ZC2HC1B: variants seen among roughly 807,000 people sequenced by gnomAD.
The protein encoded by ZC2HC1B is zinc finger C2HC-type containing 1B.
Under a neutral mutation model 31.0 loss-of-function variants are expected in ZC2HC1B, and 36 were observed. That is an observed-to-expected ratio of 1.16 (90% CI 0.89 to 1.54). The LOEUF is 1.54. ZC2HC1B is among the 40% of genes most tolerant of loss of function. The pLI is 0.00. For synonymous variants in ZC2HC1B, 73 were observed against 88.0 expected, an observed-to-expected ratio of 0.83 and a Z score of 0.95; for missense variants, 260 against 268.6, an observed-to-expected ratio of 0.97 and a Z score of 0.22.
Position 143,917,630 on chromosome 6 carries a change from A to G in ZC2HC1B, c.598+14478A>G, listed in dbSNP as rs1777934313. Among the ~76,000 whole-genome samples, 1 of 152,234 alleles carries G rather than the reference A, an allele frequency of 6.6e-6. No individual in the cohort carries two copies. The highest frequency in any genetic ancestry group is 6.5e-5 in the Admixed American group (1 of 15,284). ...CTCCTAATCTAAAAATCTGAAATCT[A>G]AAATGCTCCAACATCTGAAACTTTT... On this transcript the variant is annotated intron_variant, in intron 6 of 7. Coordinates refer to ENST00000237275, the MANE Select transcript of ZC2HC1B (RefSeq NM_001013623.3). This position sits in a 1 kb window ranked among gnomAD's most constrained non-coding sequence, Gnocchi z 4.1.
In ZC2HC1B at chr6:143,885,314, A is replaced by C. The variant is rs927509469; in HGVS notation, c.91-718A>C. ...GCCCTGTAGTCCACCAGTGTGTGTC[A>C]CTGCCTTTGCCAGACTGGAGCCACA... On this transcript the variant is annotated intron_variant, in intron 2 of 7. Transcript: ENST00000237275. This position sits in a 1 kb window ranked among gnomAD's most constrained non-coding sequence, Gnocchi z 4.2. 6.6e-6 allele frequency among the ~76,000 whole-genome samples: 1 copy of C among 152,198 alleles called. No homozygotes were observed. The highest frequency in any genetic ancestry group is 2.4e-5 in the African/African-American group (1 of 41,446).
At position 143,886,049 on chromosome 6, in the gene ZC2HC1B, A is replaced by T; in HGVS notation, c.108A>T (p.Ile36=). Residue 36 remains isoleucine (I), a synonymous_variant, in exon 3 of 8, where the codon ATA becomes ATT. Transcript: ENST00000237275. This position sits in a 1 kb window ranked among gnomAD's most constrained non-coding sequence, Gnocchi z 4.2. ...AADVLERHGP[I]CKKLFNRKRK... is the part of the protein sequence containing the mutation. ...TTTTCTAGGAAAGGCATGGACCAAT[A>T]TGTAAGAAACTCTTCAACAGAAAGC... The T allele has an allele frequency of 6.5e-7, 1 of 1,538,242 alleles. No homozygotes were observed. The highest frequency in any genetic ancestry group is 8.7e-7 in the Non-Finnish European group (1 of 1,143,196).
Position 143,903,587 on chromosome 6 carries a change from A to T in ZC2HC1B, c.598+435A>T, listed in dbSNP as rs2128495294. ...ATTATAAGTCAAAAATGCATTTAAC[A>T]TCCCAATTAACCCATGTAAAGTTGA... On this transcript the variant is annotated intron_variant, in intron 6 of 7. Transcript: ENST00000237275. The surrounding 1 kb of genome is among the most constrained non-coding windows in gnomAD (Gnocchi z 4.3). 6.6e-6 allele frequency among the ~76,000 whole-genome samples: 1 copy of T among 152,362 alleles called. No individual in the cohort carries two copies. The highest frequency in any genetic ancestry group is 2.4e-5 in the African/African-American group (1 of 41,592).
rs772610956 is a variant in ZC2HC1B at position 143,922,758 on chromosome 6, T to C, written c.599-14891T>C. Among the ~76,000 whole-genome samples the C allele has an allele frequency of 1.3e-5, 2 of 152,198 alleles. No individual in the cohort carries two copies. The highest frequency in any genetic ancestry group is 2.1e-4 in the South Asian group (1 of 4,824). ...CATGTTTTATTCATTCATCCATTAA[T>C]GAACATTTAGATTGATTTCATATGT... On this transcript the variant is annotated intron_variant, in intron 6 of 7. Transcript: ENST00000237275. This position sits in a 1 kb window ranked among gnomAD's most constrained non-coding sequence, Gnocchi z 5.0.
intron 6 of ZC2HC1B, among the ~76,000 whole-genome samples, chr6:143,907,517 T>G (rs145668918): frequency 0.015 from 2,290 of 152,348 alleles, 70 homozygotes; most frequent in African/African-American, 0.051. Flanking sequence ...TGATTTGCAT[T>G]TCTCTAATGT....
chr6:143,916,763 C>G (rs1205121726), intron 6 of ZC2HC1B, among the ~76,000 whole-genome samples: 1 of 152,220 alleles, frequency 6.6e-6, no homozygotes, highest in Non-Finnish European at 1.5e-5. Flanking sequence ...TGGCCAATGT[C>G]TCCCATTTGG....
At chr6:143,900,579 C>T (rs1777725838) in intron 5 of ZC2HC1B, among the ~76,000 whole-genome samples, 1 of 151,842 alleles carries the variant, frequency 6.6e-6, no homozygotes, top group African/African-American at 2.4e-5. Flanking sequence ...TTAACAGGTC[C>T]TTGATTAACA....
In ZC2HC1B at chr6:143,913,784, G is replaced by A. The variant is rs934669865; in HGVS notation, c.598+10632G>A. 6.6e-6 allele frequency among the ~76,000 whole-genome samples: 1 copy of A among 152,188 alleles called. No homozygotes were observed. The highest frequency in any genetic ancestry group is 1.5e-5 in the Non-Finnish European group (1 of 68,032). The stretch of plus-strand genomic sequence containing the variant: ...TCACTAATTGCTTCCCTTGGCTGGG[G>A]GTGGGTGTTTCCTTGGCTCCATGTC... On this transcript the variant is annotated intron_variant, in intron 6 of 7. Transcript: ENST00000237275. The surrounding 1 kb of genome is among the most constrained non-coding windows in gnomAD (Gnocchi z 5.7).
At chr6:143,866,309 C>T (rs984264958) in intron 1 of ZC2HC1B, among the ~76,000 whole-genome samples, 9 of 152,256 alleles carry the variant, frequency 5.9e-5, no homozygotes, top group Admixed American at 5.9e-4. Flanking sequence ...CTACCTTAAA[C>T]TTGCTCAGAA....
intron 4 of ZC2HC1B, among the ~76,000 whole-genome samples, chr6:143,891,693 CAAAA>C (rs61241733): frequency 1.5e-5 from 1 of 66,902 alleles, no homozygotes. Flanking sequence ...AACTCTGTCT[CAAAA>C]AAAAAAAAAA....
rs753518763 is a variant in ZC2HC1B, at chr6:143,889,439, A to T, written c.349+2618A>T. Among the ~76,000 whole-genome samples, 6 of 152,114 alleles carry T rather than the reference A, an allele frequency of 3.9e-5. No individual in the cohort carries two copies. The South Asian group carries it at 1.2e-3, about 31-fold the overall frequency. ...AATAATAAAGCAAGACCCAACTATA[A>T]GTATTCCATAAGAAAAACACATTGA... On this transcript the variant is annotated intron_variant, in intron 4 of 7. Coordinates refer to ENST00000237275, the MANE Select transcript of ZC2HC1B (RefSeq NM_001013623.3).
chr6:143,872,462 C>G lies in ZC2HC1B; in HGVS notation c.28+7895C>G, dbSNP rs536873699. Among the ~76,000 whole-genome samples, 13 of 152,356 alleles carry G rather than the reference C, an allele frequency of 8.5e-5. No homozygotes were observed. Among genetic ancestry groups the G allele is most frequent in the African/African-American group, 2.9e-4 (12 of 41,578 alleles). On this transcript the variant is annotated intron_variant, in intron 1 of 7. Coordinates refer to ENST00000237275, the MANE Select transcript of ZC2HC1B (RefSeq NM_001013623.3). This position sits in a 1 kb window ranked among gnomAD's most constrained non-coding sequence, Gnocchi z 5.5. The stretch of plus-strand genomic sequence containing the variant: ...AGTCCATTACAGTAGCTACATCCAC[C>G]TTGCCTTTGATGGCTGAGTGCTGCC...
Position 143,918,940 on chromosome 6 carries a change from T to G in ZC2HC1B, c.598+15788T>G, listed in dbSNP as rs1245306526. On this transcript the variant is annotated intron_variant, in intron 6 of 7. Coordinates refer to ENST00000237275, the MANE Select transcript of ZC2HC1B (RefSeq NM_001013623.3). The surrounding 1 kb of genome is among the most constrained non-coding windows in gnomAD (Gnocchi z 4.1). Reference sequence around the variant, plus strand: ...TATCTTCGTGGATATTTCCATTTTGTTCATAGATCTTTTTCTTGAGTCTCT... The same window carrying G: ...TATCTTCGTGGATATTTCCATTTTGGTCATAGATCTTTTTCTTGAGTCTCT... Among the ~76,000 whole-genome samples the G allele has an allele frequency of 6.6e-6, 1 of 152,164 alleles. No homozygotes were observed. Among genetic ancestry groups the G allele is most frequent in the Non-Finnish European group, 1.5e-5 (1 of 68,036 alleles).
At position 143,922,214 on chromosome 6, in the gene ZC2HC1B, GT is replaced by G. The variant is rs1777991813; in HGVS notation, c.599-15432del. ...TTGTTGATATATAATATTTGTACAT[GT>G]TTATGGAATACATGTGGTATTTTGA... is the stretch of plus-strand genomic sequence containing the variant. On this transcript the variant is annotated intron_variant, in intron 6 of 7. Coordinates refer to ENST00000237275, the MANE Select transcript of ZC2HC1B (RefSeq NM_001013623.3). This position sits in a 1 kb window ranked among gnomAD's most constrained non-coding sequence, Gnocchi z 5.0. Among the ~76,000 whole-genome samples the G allele has an allele frequency of 6.6e-6, 1 of 152,156 alleles. No homozygotes were observed. Among genetic ancestry groups the G allele is most frequent in the Non-Finnish European group, 1.5e-5 (1 of 68,020 alleles).
chr6:143,879,824 A>ATTTTT (rs557859315), intron 1 of ZC2HC1B, among the ~76,000 whole-genome samples: 1,203 of 53,692 alleles, frequency 0.022, 100 homozygotes, highest in South Asian at 0.031. Context: ...GTTGTCCCTG[A>ATTTTT]TTTTTTTTTT....
Position 143,871,072 on chromosome 6 carries a change from A to G in ZC2HC1B, c.28+6505A>G, listed in dbSNP as rs562932195. Reference sequence around the variant, plus strand: ...TAGGAGGGGCCAAATGCAGCAACTTATCCTTCATCTTAGAAGGAATATCTC... The same window carrying G: ...TAGGAGGGGCCAAATGCAGCAACTTGTCCTTCATCTTAGAAGGAATATCTC... On this transcript the variant is annotated intron_variant, in intron 1 of 7. Transcript: ENST00000237275. This position sits in a 1 kb window ranked among gnomAD's most constrained non-coding sequence, Gnocchi z 4.1. Among the ~76,000 whole-genome samples, 3 of 152,096 alleles carry G rather than the reference A, an allele frequency of 2.0e-5. No homozygotes were observed. Among genetic ancestry groups the G allele is most frequent in the South Asian group, 2.1e-4 (1 of 4,818 alleles).
Position 143,911,296 on chromosome 6 carries a change from A to T in ZC2HC1B, c.598+8144A>T, listed in dbSNP as rs767269870. ...ATTTAAATTTAAGGTTAGTATTGTT[A>T]TGTGTGAATTAGATCCTGTCATCAT... On this transcript the variant is annotated intron_variant, in intron 6 of 7. Transcript: ENST00000237275. This position sits in a 1 kb window ranked among gnomAD's most constrained non-coding sequence, Gnocchi z 4.5. 6.6e-6 allele frequency among the ~76,000 whole-genome samples: 1 copy of T among 152,072 alleles called. No individual in the cohort carries two copies. Among genetic ancestry groups the T allele is most frequent in the Non-Finnish European group, 1.5e-5 (1 of 68,020 alleles).
At chr6:143,867,678 G>T (rs1339186430) in intron 1 of ZC2HC1B, among the ~76,000 whole-genome samples, 1 of 152,200 alleles carries the variant, frequency 6.6e-6, no homozygotes, top group Non-Finnish European at 1.5e-5. Context: ...AGCCAAACAT[G>T]ACAAGTGTAG....
intron 5 of ZC2HC1B, among the ~76,000 whole-genome samples, chr6:143,900,834 T>C (rs1261196115): frequency 6.6e-6 from 1 of 152,174 alleles, no homozygotes; most frequent in Non-Finnish European, 1.5e-5. Context: ...TACAGTTTTA[T>C]AGATTGTTTT....
Sources: allele counts gnomAD v4.1 joint callset (sites outside exome capture counted in the v4.1 genomes callset), GRCh38; gene constraint gnomAD v4.1.1; non-coding constraint Gnocchi (gnomAD v3.1); transcripts MANE v1.5; gene names NCBI Gene and HGNC (gene_info 2026-07-23, HGNC 2026-07-21).